Variants in NUP160 observed in about 807,000 individuals in gnomAD.
The protein encoded by NUP160 is nucleoporin 160, also known as nuclear pore complex protein Nup160.
NUP160 carries 94 observed loss-of-function variants against 196.9 expected under a neutral mutation model. The observed-to-expected ratio is 0.48, with a 90% CI of 0.40 to 0.57. NUP160 has a LOEUF of 0.57. Among genes scored for constraint, NUP160 ranks in the 20% least tolerant of loss-of-function variants. The probability of loss-of-function intolerance (pLI) is 0.00; values close to 1 mark genes in which losing one functional copy is unlikely to be tolerated. For missense variants in NUP160, 1,638 were observed against 1,748.3 expected (o/e 0.94, Z 1.13); for synonymous variants, 605 against 619.7 (o/e 0.98, Z 0.35).
intron 6 of NUP160, among the ~76,000 whole-genome samples, chr11:47,836,125 G>A (rs1486371986): frequency 6.6e-6 from 1 of 152,184 alleles, no homozygotes; most frequent in African/African-American, 2.4e-5. Context: ...GTGCATGCCT[G>A]TTATCCCAGC....
intron 7 of NUP160, among the ~76,000 whole-genome samples, chr11:47,832,486 T>C (rs1405822445): frequency 6.6e-6 from 1 of 152,170 alleles, no homozygotes; most frequent in African/African-American, 2.4e-5. Flanking sequence ...TACACTGGCC[T>C]TTTAAAATGT....
chr11:47,830,070 CT>C (rs779463235), intron 7 of NUP160, among the ~76,000 whole-genome samples: 1 of 152,122 alleles, frequency 6.6e-6, no homozygotes, highest in Non-Finnish European at 1.5e-5. Context: ...TGAACAGACA[CT>C]TTTCAAAAAA....
At chr11:47,846,924 G>A (rs2135408384) in intron 2 of NUP160, among the ~76,000 whole-genome samples, 1 of 152,032 alleles carries the variant, frequency 6.6e-6, no homozygotes, top group East Asian at 1.9e-4. Context: ...CCCTCCTTTT[G>A]GAATCCCTAG....
intron 2 of NUP160, among the ~76,000 whole-genome samples, chr11:47,846,373 G>C (rs1852403535): frequency 6.6e-6 from 1 of 152,068 alleles, no homozygotes; most frequent in African/African-American, 2.4e-5. Flanking sequence ...CATTTCCAAA[G>C]GGCTGCTCCC....
intron 34 of NUP160, 63 bp from the exon 35 acceptor site, chr11:47,780,510 C>G: frequency 9.7e-7 from 1 of 1,026,822 alleles, no homozygotes; most frequent in Non-Finnish European, 1.5e-6. Flanking sequence ...TGGGTAGTTG[C>G]TTTCATAGGA....
intron 2 of NUP160, among the ~76,000 whole-genome samples, chr11:47,844,141 C>A (rs1190991626): frequency 6.6e-6 from 1 of 152,164 alleles, no homozygotes; most frequent in Admixed American, 6.5e-5. Flanking sequence ...GAAAACATAT[C>A]CACAATCACA....
intron 17 of NUP160, 96 bp from the exon 18 acceptor site, chr11:47,808,625 A>G: frequency 9.2e-6 from 9 of 974,142 alleles, no homozygotes; most frequent in Non-Finnish European, 1.2e-5. Flanking sequence ...AATAACAAAT[A>G]CAAAGGTCAC....
At chr11:47,815,481 T>G in exon 13 of NUP160, 3 of 1,590,260 alleles carry the variant, frequency 1.9e-6, no homozygotes, top group Non-Finnish European at 2.6e-6. Flanking sequence ...TCACTTACTT[T>G]TTTCAGCAGG....
intron 10 of NUP160, among the ~76,000 whole-genome samples, chr11:47,818,668 T>C (rs573899654): frequency 1.9e-3 from 285 of 152,288 alleles, no homozygotes; most frequent in Middle Eastern, 0.014. Flanking sequence ...AAACCAGATT[T>C]GCCCCCAAGT....
At position 47,840,359 on chromosome 11, in the gene NUP160, T is replaced by C. The variant is rs372576092; in HGVS notation, c.525+19A>G. 103 of 1,591,562 alleles carry C rather than the reference T, an allele frequency of 6.5e-5. No homozygotes were observed. The highest frequency in any genetic ancestry group is 8.2e-5 in the Non-Finnish European group (95 of 1,159,544). ...AGAGTAATTTGGGAAATAAAAGATA[T>C]TGCACTTAGCCAACTTACACTCCTA... is the stretch of plus-strand genomic sequence containing the variant. On this transcript the variant is annotated intron_variant, in intron 3 of 35. Coordinates refer to ENST00000378460, the Ensembl canonical transcript of NUP160.
At chr11:47,794,150 G>A (rs4752792) in intron 27 of NUP160, among the ~76,000 whole-genome samples, 87,973 of 151,942 alleles carry the variant, frequency 0.58, 25,751 homozygotes, top group Admixed American at 0.64. Flanking sequence ...TCTGGAGATT[G>A]GTTACACAAT....
Position 47,813,235 on chromosome 11 carries a change from A to G in NUP160, c.1786+81T>C, listed in dbSNP as rs1003418888. The G allele has an allele frequency of 8.7e-6, 10 of 1,152,920 alleles. No individual in the cohort carries two copies. In the East Asian group the frequency reaches 1.4e-4, roughly 16 times the overall value. 71.4% of individuals were successfully genotyped at this position (1,152,920 alleles called of 1,614,324 possible). On this transcript the variant is annotated intron_variant, in intron 14 of 35. Coordinates refer to ENST00000378460, the Ensembl canonical transcript of NUP160. ...GTGACCAAGACAGGTGTGGCAATCGATATTTTTTGTATCCATGTGAAACGA... is the reference window on the plus strand; with the variant it reads ...GTGACCAAGACAGGTGTGGCAATCGGTATTTTTTGTATCCATGTGAAACGA...
At chr11:47,792,925 T>A (rs1165233233) in exon 28 of NUP160, 1 of 1,613,506 alleles carries the variant, frequency 6.2e-7, no homozygotes, top group Non-Finnish European at 8.5e-7. Context: ...CCGCATTCCA[T>A]ACTCAAACAT....
chr11:47,812,237 G>T lies in NUP160; in HGVS notation c.2081-13C>A. On this transcript the variant is annotated splice_polypyrimidine_tract_variant and intron_variant, in intron 16 of 35. Transcript: ENST00000378460. ...TTCAAAGGCTGAGCTGTAAAAAGAA[G>T]AAAAATGGAGTTGAATGCATCATTG... 1.9e-6 allele frequency: 3 copies of T among 1,613,686 alleles called. No homozygotes were observed. The highest frequency in any genetic ancestry group is 2.5e-6 in the Non-Finnish European group (3 of 1,179,768).
chr11:47,838,831 C>G (rs1478169544), intron 4 of NUP160, among the ~76,000 whole-genome samples: 1 of 151,976 alleles, frequency 6.6e-6, no homozygotes, highest in African/African-American at 2.4e-5. Flanking sequence ...TGGTGAAACC[C>G]TGTCTCTACT....
rs368754671 is a variant in NUP160, at chr11:47,783,456, C to T, written c.3991-258G>A. 2.5e-3 allele frequency among the ~76,000 whole-genome samples: 379 copies of T among 152,220 alleles called. 1 individual carries two copies. Among genetic ancestry groups the T allele is most frequent in the Middle Eastern group, 0.01 (3 of 294 alleles). ...CCTTATCTGTTAAATAGCCTTCTTC[C>T]CCTGTTTTATGACCTAAGACATATT... On this transcript the variant is annotated intron_variant, in intron 33 of 35. Transcript: ENST00000378460.
At chr11:47,810,192 C>T (rs921383570) in intron 17 of NUP160, among the ~76,000 whole-genome samples, 7 of 151,802 alleles carry the variant, frequency 4.6e-5, no homozygotes, top group African/African-American at 1.7e-4. Context: ...AAATTATCTT[C>T]CCAATTTTTT....
At chr11:47,790,875 A>C (rs1227080512) in intron 29 of NUP160, among the ~76,000 whole-genome samples, 2 of 152,158 alleles carry the variant, frequency 1.3e-5, no homozygotes, top group Non-Finnish European at 2.9e-5. Context: ...GTATCTTGAC[A>C]TTTTAAAAGC....
intron 34 of NUP160, among the ~76,000 whole-genome samples, chr11:47,780,886 A>G (rs930003260): frequency 2.0e-5 from 3 of 152,132 alleles, no homozygotes; most frequent in African/African-American, 7.2e-5. Flanking sequence ...GCATGCACAC[A>G]ATGGGAACCC....
Sources: allele counts gnomAD v4.1 joint callset (sites outside exome capture counted in the v4.1 genomes callset), GRCh38; gene constraint gnomAD v4.1.1; transcripts MANE v1.5; gene names NCBI Gene and HGNC (gene_info 2026-07-23, HGNC 2026-07-21).